The following RINT1 variants were observed in gnomAD, a reference collection of about 807,000 sequenced individuals.
The protein encoded by RINT1 is RAD50-interacting protein 1.
RINT1 carries 75 observed loss-of-function variants against 97.7 expected under a neutral mutation model. The observed-to-expected ratio is 0.77, with a 90% CI of 0.64 to 0.93. The LOEUF is 0.93. RINT1 is among the 40% of genes least tolerant of loss of function. RINT1 has a pLI of 0.00. For synonymous variants in RINT1, 303 were observed against 326.3 expected (o/e 0.93, Z 0.77); for missense variants, 892 against 925.2 (o/e 0.96, Z 0.47).
chr7:105,561,968 A>G (rs73192143), intron 11 of RINT1, among the ~76,000 whole-genome samples: 20,363 of 152,212 alleles, frequency 0.13, 1,754 homozygotes, highest in South Asian at 0.24. Flanking sequence ...AAAAGCCACA[A>G]AACTGTATAT....
chr7:105,556,407 T>C, intron 11 of RINT1, among the ~76,000 whole-genome samples: 1 of 152,006 alleles, frequency 6.6e-6, no homozygotes, highest in East Asian at 1.9e-4. Context: ...TTTAAACCTC[T>C]TTTCTGCCCC....
intron 10 of RINT1, among the ~76,000 whole-genome samples, chr7:105,552,666 C>CTTTTTTTTTTT (rs386410906): frequency 1.7e-4 from 14 of 80,040 alleles, no homozygotes; most frequent in Non-Finnish European, 2.8e-4. Context: ...TAAATAATTC[C>CTTTTTTTTTTT]TTTTTTTTTT....
At position 105,567,650 on chromosome 7, in the gene RINT1, C is replaced by T; in HGVS notation, c.*339C>T. 3 of 528,230 alleles carry T rather than the reference C, an allele frequency of 5.7e-6. No homozygotes were observed. The highest frequency in any genetic ancestry group is 1.0e-5 in the Non-Finnish European group (3 of 301,118). The allele number at this position is 528,230 out of a possible 1,614,324, so 32.7% of individuals were successfully genotyped here. ...GGAAATTCTGTTGTGGATAATCAAA[C>T]ATAGCCAATAAATTTTTTTAAAACT... On this transcript the variant is annotated 3_prime_UTR_variant, in exon 15 of 15. Transcript: ENST00000257700.
intron 6 of RINT1, 150 bp downstream of exon 6, chr7:105,547,483 A>C (rs1165006266): frequency 2.7e-6 from 2 of 749,018 alleles, no homozygotes; most frequent in African/African-American, 3.5e-5. Flanking sequence ...TGAGTGGTGG[A>C]CTGTACTCTT....
chr7:105,545,180 G>C (rs1004775576), intron 4 of RINT1, among the ~76,000 whole-genome samples: 11 of 152,044 alleles, frequency 7.2e-5, no homozygotes, highest in South Asian at 4.2e-4. Flanking sequence ...TGCCGGGCAT[G>C]GTGGCTCATG....
At chr7:105,551,995 G>A (rs994790025) in intron 10 of RINT1, among the ~76,000 whole-genome samples, 1 of 152,146 alleles carries the variant, frequency 6.6e-6, no homozygotes, top group Non-Finnish European at 1.5e-5. Context: ...TTGAGCATGG[G>A]AGGTAGAGGT....
chr7:105,556,485 T>G (rs1382054009), intron 11 of RINT1, among the ~76,000 whole-genome samples: 1 of 151,976 alleles, frequency 6.6e-6, no homozygotes, highest in Non-Finnish European at 1.5e-5. Context: ...TATAGAGAGA[T>G]ATATATTAGT....
chr7:105,542,493 T>C lies in RINT1; in HGVS notation c.359T>C (p.Phe120Ser). 6.2e-7 allele frequency: 1 copy of C among 1,614,084 alleles called. No homozygotes were observed. Among genetic ancestry groups the C allele is most frequent in the Non-Finnish European group, 8.5e-7 (1 of 1,179,982 alleles). ...AEESKQFLNQFLEQETHLFSA... is the reference protein window; with the variant it reads ...AEESKQFLNQSLEQETHLFSA... ...GAATCAAAGCAATTTCTTAATCAGTTTCTGGAGCAGGAAACTCATCTCTTC... is the reference window on the plus strand; with the variant it reads ...GAATCAAAGCAATTTCTTAATCAGTCTCTGGAGCAGGAAACTCATCTCTTC... The change falls in exon 4 of 15, where the codon TTT becomes TCT. Residue 120 changes from phenylalanine (F) to serine (S), a missense_variant. By Grantham distance (155) the Phe-to-Ser change is radical (BLOSUM62 -2). Transcript: ENST00000257700.
intron 10 of RINT1, among the ~76,000 whole-genome samples, chr7:105,553,774 G>T (rs1002599102): frequency 1.2e-4 from 18 of 150,274 alleles, no homozygotes; most frequent in Non-Finnish European, 2.7e-4. Context: ...AGGCTGGAGT[G>T]CTGTGGCGCA....
intron 3 of RINT1, among the ~76,000 whole-genome samples, chr7:105,538,993 T>A (rs983675499): frequency 2.0e-5 from 3 of 152,214 alleles, no homozygotes; most frequent in African/African-American, 7.2e-5. Flanking sequence ...CATGATCTTT[T>A]AGCAGGTATT....
chr7:105,536,347 C>T (rs1308728264), intron 2 of RINT1, among the ~76,000 whole-genome samples: 1 of 151,858 alleles, frequency 6.6e-6, no homozygotes, highest in Non-Finnish European at 1.5e-5. Flanking sequence ...TTAGTAGAGA[C>T]GGGATTTCGC....
At chr7:105,559,182 G>A (rs530714190) in intron 11 of RINT1, among the ~76,000 whole-genome samples, 3 of 151,526 alleles carry the variant, frequency 2.0e-5, no homozygotes, top group Admixed American at 1.3e-4. Flanking sequence ...ATCACCTGAC[G>A]TCAGGAGTTT....
At chr7:105,538,652 T>C (rs954385147) in intron 3 of RINT1, among the ~76,000 whole-genome samples, 1 of 152,214 alleles carries the variant, frequency 6.6e-6, no homozygotes, top group Non-Finnish European at 1.5e-5. Context: ...CAGATTCTGT[T>C]TGAGACATCT....
Position 105,547,186 on chromosome 7 carries a change from A to T in RINT1, c.692A>T (p.Asp231Val). Reference sequence around the variant, plus strand: ...TATGTGTTACTTTTCCATTGCAGTGATTTTGAGGAAATTTTAGCACAGCTT... The same window carrying T: ...TATGTGTTACTTTTCCATTGCAGTGTTTTTGAGGAAATTTTAGCACAGCTT... ...HKILKDKLTS[D>V]FEEILAQLHW... Residue 231 changes from aspartate to valine, a missense_variant and splice_region_variant, in exon 6 of 15, where the codon GAT becomes GTT. Asp to Val is a radical substitution (Grantham distance 152). Transcript: ENST00000257700. 6.2e-7 allele frequency: 1 copy of T among 1,614,082 alleles called. No homozygotes were observed. Among genetic ancestry groups the T allele is most frequent in the Non-Finnish European group, 8.5e-7 (1 of 1,180,012 alleles).
At chr7:105,535,616 GATC>G (rs1562839114) in intron 2 of RINT1, 1 of 453,364 alleles carries the variant, frequency 2.2e-6, no homozygotes, top group South Asian at 1.6e-5. Context: ...GTAGTAGTGA[GATC>G]ATGGCTCACT....
chr7:105,550,535 G>T, intron 9 of RINT1, 49 bp downstream of exon 9: 1 of 1,339,468 alleles, frequency 7.5e-7, no homozygotes, highest in Non-Finnish European at 1.1e-6. Flanking sequence ...TGTTTCTGTG[G>T]GTATACATTT....
intron 9 of RINT1, 139 bp downstream of exon 9, chr7:105,550,625 G>T: frequency 1.6e-6 from 1 of 642,368 alleles, no homozygotes. Context: ...GTTTCCTTCA[G>T]AGATAATCTT....
At chr7:105,539,355 C>CTTTTT (rs56362601) in intron 3 of RINT1, among the ~76,000 whole-genome samples, 50 of 131,570 alleles carry the variant, frequency 3.8e-4, no homozygotes, top group African/African-American at 4.3e-4. Flanking sequence ...CTTTCCCACT[C>CTTTTT]TTTTTTTTTT....
In RINT1 at chr7:105,541,025, A is replaced by G. The variant is rs1790434998; in HGVS notation, c.274-1383A>G. Among the ~76,000 whole-genome samples the G allele has an allele frequency of 2.0e-5, 3 of 151,396 alleles. No individual in the cohort carries two copies. The South Asian group carries it at 6.3e-4, about 32-fold the overall frequency. On this transcript the variant is annotated intron_variant, in intron 3 of 14. Transcript: ENST00000257700. ...CTAATTTTTTTGTATTTTTTAGTAG[A>G]GACAAGATTTTGCCATCTTGGCCAG...
Sources: allele counts gnomAD v4.1 joint callset (sites outside exome capture counted in the v4.1 genomes callset), GRCh38; gene constraint gnomAD v4.1.1; transcripts MANE v1.5; gene names NCBI Gene and HGNC (gene_info 2026-07-23, HGNC 2026-07-21).